Variants in CPEB2 observed in about 807,000 individuals in gnomAD.
CPEB2 encodes cytoplasmic polyadenylation element binding protein 2, also known as cytoplasmic polyadenylation element-binding protein 2.
Under a neutral mutation model 93.6 loss-of-function variants are expected in CPEB2, and 56 were observed. The ratio of observed to expected loss-of-function variants is 0.60; its 90% confidence interval spans 0.48 to 0.75. CPEB2 has a LOEUF of 0.75. CPEB2 is among the 30% of genes least tolerant of loss of function. The pLI, the probability that CPEB2 is intolerant of heterozygous loss-of-function variation, is 0.00. For synonymous variants in CPEB2, 764 were observed against 586.3 expected (o/e 1.30, Z -4.38); for missense variants, 1,579 against 1,395.1 (o/e 1.13, Z -2.10).
chr4:15,027,943 G>C (rs891084921), intron 4 of CPEB2, among the ~76,000 whole-genome samples: 1 of 152,154 alleles, frequency 6.6e-6, no homozygotes, highest in Non-Finnish European at 1.5e-5. Flanking sequence ...CTGCTAGTAA[G>C]TGGTGGAACT....
intron 2 of CPEB2, 66 bp from the exon 3 acceptor site, chr4:15,008,271 TC>T (rs1723073741): frequency 1.8e-6 from 2 of 1,086,632 alleles, no homozygotes; most frequent in Non-Finnish European, 1.4e-6. Context: ...TTTCTTTCTT[TC>T]TTTCGTTGGG....
At chr4:15,045,919 G>A (rs1276372476) in intron 6 of CPEB2, among the ~76,000 whole-genome samples, 3 of 152,018 alleles carry the variant, frequency 2.0e-5, no homozygotes. Flanking sequence ...TGTATAGAAA[G>A]GAAATTACAA....
rs573775363 is a variant in CPEB2, at chr4:15,037,297, C to A, written c.2177-3167C>A. Among the ~76,000 whole-genome samples the A allele has an allele frequency of 2.0e-3, 299 of 150,606 alleles. 1 individual carries two copies. The highest frequency in any genetic ancestry group is 6.9e-3 in the African/African-American group (282 of 41,008). ...CTGCACTCCAGCCTGGGCGACAGAG[C>A]AAGACTCCGCCTCAAAAAAAAAAAA... On this transcript the variant is annotated intron_variant, in intron 5 of 11. Transcript: ENST00000538197.
chr4:15,047,322 A>C (rs1162913350), intron 6 of CPEB2, among the ~76,000 whole-genome samples: 1 of 152,154 alleles, frequency 6.6e-6, no homozygotes, highest in East Asian at 1.9e-4. Context: ...CAGTGTGCTG[A>C]GATTTTGGAT....
At chr4:15,043,612 T>G (rs1199197509) in intron 6 of CPEB2, among the ~76,000 whole-genome samples, 4 of 152,156 alleles carry the variant, frequency 2.6e-5, no homozygotes, top group Middle Eastern at 3.2e-3. Context: ...TTAAGTTCGA[T>G]CCTTTCAACT....
chr4:15,029,966 TTACC>T (rs1346556352), intron 4 of CPEB2, among the ~76,000 whole-genome samples: 6 of 152,102 alleles, frequency 3.9e-5, no homozygotes, highest in South Asian at 2.1e-4. Flanking sequence ...AGGGGTACAC[TTACC>T]TACAAGAAGG....
chr4:15,014,649 T>G (rs918938335), intron 3 of CPEB2, among the ~76,000 whole-genome samples: 1 of 152,034 alleles, frequency 6.6e-6, no homozygotes, highest in African/African-American at 2.4e-5. Context: ...GTACAGTCTT[T>G]CTCCTTACAG....
At chr4:15,019,020 A>G (rs888169800) in intron 4 of CPEB2, among the ~76,000 whole-genome samples, 5 of 149,160 alleles carry the variant, frequency 3.4e-5, no homozygotes, top group Non-Finnish European at 7.4e-5. Context: ...TTTAATCTCA[A>G]GTGAATTCAA....
At position 15,003,319 on chromosome 4, in the gene CPEB2, G is replaced by A. The variant is rs762188239; in HGVS notation, c.646G>A (p.Gly216Ser). The A allele has an allele frequency of 1.5e-5, 21 of 1,419,092 alleles. No individual in the cohort carries two copies. In the South Asian group the frequency reaches 1.6e-4, roughly 11 times the overall value. 87.9% of individuals were successfully genotyped at this position (1,419,092 alleles called of 1,614,324 possible). The change falls in exon 1 of 12, where the codon GGC becomes AGC. Residue 216 changes from glycine to serine, a missense_variant. Gly to Ser is a moderately conservative substitution (Grantham distance 56). Around this residue, in one of 2 missense-constraint regions of CPEB2, gnomAD observed 1,411 missense variants for 1,056.0 expected, o/e 1.34. Coordinates refer to ENST00000538197, the MANE Select transcript of CPEB2 (RefSeq NM_001177382.2). ...GRFSPPPPPA[G>S]PLLQPAQLAQ... ...GTTCAGCCCGCCGCCGCCGCCAGCC[G>A]GCCCGCTCCTCCAGCCGGCGCAGCT...
intron 5 of CPEB2, among the ~76,000 whole-genome samples, chr4:15,034,020 T>C (rs1028370548): frequency 1.3e-5 from 2 of 152,036 alleles, no homozygotes; most frequent in Non-Finnish European, 2.9e-5. Flanking sequence ...AGACTGAAAA[T>C]AAGGTACATG....
intron 10 of CPEB2, among the ~76,000 whole-genome samples, chr4:15,061,710 G>T (rs1354566305): frequency 6.7e-6 from 1 of 148,550 alleles, no homozygotes; most frequent in African/African-American, 2.5e-5. Context: ...TGGGAAAATT[G>T]ATTGTATAGA....
intron 4 of CPEB2, among the ~76,000 whole-genome samples, chr4:15,032,587 A>G (rs1726230339): frequency 6.6e-6 from 1 of 152,098 alleles, no homozygotes; most frequent in Non-Finnish European, 1.5e-5. Flanking sequence ...ATCATTTATA[A>G]ACTTTGAAGA....
At chr4:15,018,269 G>A (rs1443483508) in intron 4 of CPEB2, among the ~76,000 whole-genome samples, 1 of 151,638 alleles carries the variant, frequency 6.6e-6, no homozygotes, top group African/African-American at 2.4e-5. Flanking sequence ...TGGTGATGTG[G>A]GGCTAAGTTG....
At chr4:15,022,113 C>T (rs1394373015) in intron 4 of CPEB2, among the ~76,000 whole-genome samples, 1 of 152,130 alleles carries the variant, frequency 6.6e-6, no homozygotes, top group Non-Finnish European at 1.5e-5. Flanking sequence ...TTCTCAGACA[C>T]TGAGACTGTG....
intron 4 of CPEB2, among the ~76,000 whole-genome samples, chr4:15,025,621 A>G (rs1406074856): frequency 6.6e-6 from 1 of 151,798 alleles, no homozygotes; most frequent in African/African-American, 2.4e-5. Flanking sequence ...CTGTAGGCCT[A>G]GCTGCTAGAC....
intron 11 of CPEB2, among the ~76,000 whole-genome samples, chr4:15,065,289 C>A (rs1729600464): frequency 6.6e-6 from 1 of 152,030 alleles, no homozygotes; most frequent in Non-Finnish European, 1.5e-5. Flanking sequence ...TTATGTCAAT[C>A]CAGTCCTTCA....
At chr4:15,043,078 A>G (rs1165395522) in intron 6 of CPEB2, among the ~76,000 whole-genome samples, 1 of 152,158 alleles carries the variant, frequency 6.6e-6, no homozygotes, top group Non-Finnish European at 1.5e-5. Flanking sequence ...TCTGACTTTG[A>G]CTTTTGTAGT....
intron 6 of CPEB2, among the ~76,000 whole-genome samples, chr4:15,043,799 T>G (rs1200413135): frequency 5.3e-5 from 8 of 152,018 alleles, no homozygotes; most frequent in African/African-American, 1.9e-4. Context: ...AGAGCTTGAG[T>G]TAGTAGATTA....
In CPEB2 at chr4:15,004,164, G is replaced by A. The variant is rs1392471355; in HGVS notation, c.1491G>A (p.Val497=). Residue 497 remains valine, a synonymous_variant, in exon 1 of 12, where the codon GTG becomes GTA. Transcript: ENST00000538197. ...GFGGPFSATA[V]PPPPPPAMNI... ...GCGGCCCCTTCTCGGCTACCGCTGT[G>A]CCCCCTCCGCCGCCGCCCGCCATGA... 3 of 1,422,298 alleles carry A rather than the reference G, an allele frequency of 2.1e-6. No individual in the cohort carries two copies. The highest frequency in any genetic ancestry group is 3.1e-5 in the East Asian group (1 of 32,394). The allele number at this position is 1,422,298 out of a possible 1,614,324, so 88.1% of individuals were successfully genotyped here.
Sources: allele counts gnomAD v4.1 joint callset (sites outside exome capture counted in the v4.1 genomes callset), GRCh38; gene constraint gnomAD v4.1.1; regional missense constraint gnomAD v4.1.1; transcripts MANE v1.5; gene names NCBI Gene and HGNC (gene_info 2026-07-23, HGNC 2026-07-21).